FRK: variants seen among roughly 807,000 people sequenced by gnomAD.
FRK encodes the protein tyrosine-protein kinase FRK.
FRK carries 51 observed loss-of-function variants against 56.4 expected under a neutral mutation model. The observed-to-expected ratio is 0.90, with a 90% confidence interval of 0.72 to 1.14. The LOEUF is 1.14. Ranked by LOEUF, FRK falls within the 50% of genes most tolerant of loss-of-function variation. FRK has a pLI of 0.00. For missense variants in FRK, 570 were observed against 601.4 expected (o/e 0.95, Z 0.55); for synonymous variants, 245 against 217.9 (o/e 1.12, Z -1.10).
chr6:116,091,206 T>C, the FRK span, among the ~76,000 whole-genome samples: 3 of 152,178 alleles, frequency 2.0e-5, no homozygotes, highest in African/African-American at 7.2e-5. Context: ...AGCTAAAGGA[T>C]TGTAAATGCA....
intron 2 of FRK, among the ~76,000 whole-genome samples, chr6:115,975,844 T>C (rs1773971994): frequency 6.6e-6 from 1 of 152,170 alleles, no homozygotes; most frequent in African/African-American, 2.4e-5. Context: ...AACTGATGAA[T>C]CTAGCAGAAC....
In FRK at chr6:115,932,664, A is replaced by G. The variant is rs1771977058; in HGVS notation, c.*9750T>C. The G allele has an allele frequency of 6.6e-6, 1 of 152,212 alleles. No individual in the cohort carries two copies. Among genetic ancestry groups the G allele is most frequent in the Admixed American group, 6.5e-5 (1 of 15,288 alleles). The allele number at this position is 152,212 out of a possible 1,614,324, so 9.4% of individuals were successfully genotyped here. On this transcript the variant is annotated 3_prime_UTR_variant, in exon 8 of 8. Coordinates refer to ENST00000606080, the MANE Select transcript of FRK (RefSeq NM_002031.3). ...AGAAAGGCTATTTGGTTCAGAAATC[A>G]TATGCTCAACCAGACCATGAAAAAA...
chr6:116,059,496 T>C (rs909427869), intron 1 of FRK, among the ~76,000 whole-genome samples: 5 of 152,194 alleles, frequency 3.3e-5, no homozygotes, highest in African/African-American at 7.2e-5. Context: ...CCCATCAGAA[T>C]GAAAGGGATT....
intron 2 of FRK, among the ~76,000 whole-genome samples, chr6:115,993,836 G>A (rs550671519): frequency 6.6e-6 from 1 of 151,960 alleles, no homozygotes; most frequent in African/African-American, 2.4e-5. Flanking sequence ...TCTCAAGTAT[G>A]CTCTTTATAT....
chr6:116,056,473 C>CA (rs542660612), intron 1 of FRK, among the ~76,000 whole-genome samples: 1 of 151,974 alleles, frequency 6.6e-6, no homozygotes, highest in African/African-American at 2.4e-5. Flanking sequence ...CCTCCCTAAG[C>CA]AAAAAAACTT....
chr6:116,038,910 C>G, intron 1 of FRK: 1 of 612,866 alleles, frequency 1.6e-6, no homozygotes, highest in Non-Finnish European at 3.2e-6. Context: ...GACTTTGCCC[C>G]AGAAGCTAGA....
the FRK span, among the ~76,000 whole-genome samples, chr6:116,082,857 A>C: frequency 6.6e-6 from 1 of 152,276 alleles, no homozygotes; most frequent in Non-Finnish European, 1.5e-5. Context: ...CAAAGTATAG[A>C]TATATCTTTT....
At chr6:116,048,238 G>T (rs1231232039) in intron 1 of FRK, among the ~76,000 whole-genome samples, 1 of 152,142 alleles carries the variant, frequency 6.6e-6, no homozygotes, top group Non-Finnish European at 1.5e-5. Flanking sequence ...TTTTCACTGA[G>T]ATGTTCTACT....
intron 1 of FRK, among the ~76,000 whole-genome samples, chr6:116,034,266 C>T (rs989311449): frequency 5.3e-5 from 8 of 152,170 alleles, no homozygotes; most frequent in East Asian, 1.9e-4. Flanking sequence ...GCTCCCAACA[C>T]GGAGAATTGA....
At chr6:115,951,898 A>T (rs1772769052) in intron 5 of FRK, among the ~76,000 whole-genome samples, 1 of 152,180 alleles carries the variant, frequency 6.6e-6, no homozygotes, top group Non-Finnish European at 1.5e-5. Context: ...ATTTGCAGTA[A>T]GAAAATATTT....
intron 5 of FRK, among the ~76,000 whole-genome samples, chr6:115,946,908 T>G (rs553778668): frequency 1.3e-5 from 2 of 152,222 alleles, no homozygotes; most frequent in Non-Finnish European, 2.9e-5. Flanking sequence ...CTGGTGATTT[T>G]GGGGATAGGA....
rs1181540634 is a variant in FRK, at chr6:115,932,765, C to T, written c.*9649G>A. On this transcript the variant is annotated 3_prime_UTR_variant, in exon 8 of 8. Coordinates refer to ENST00000606080, the MANE Select transcript of FRK (RefSeq NM_002031.3). ...CTCTGCTTCCTTCAGGAAGCTCCAG[C>T]TGGGTAGTGGTATGGCATCCTTCCA... 6.6e-6 allele frequency: 1 copy of T among 152,188 alleles called. No individual in the cohort carries two copies. Among genetic ancestry groups the T allele is most frequent in the Non-Finnish European group, 1.5e-5 (1 of 68,042 alleles). The allele number at this position is 152,188 out of a possible 1,614,324, so 9.4% of individuals were successfully genotyped here. A position where few individuals can be genotyped will look rare whatever the true frequency, so the allele number is the denominator to read the frequency against.
At chr6:116,080,601 G>A in the FRK span, among the ~76,000 whole-genome samples, 1 of 152,164 alleles carries the variant, frequency 6.6e-6, no homozygotes, top group Non-Finnish European at 1.5e-5. Context: ...AATAATTGCA[G>A]TCTAGAAAAT....
the FRK span, among the ~76,000 whole-genome samples, chr6:116,098,238 A>G: frequency 6.6e-6 from 1 of 151,224 alleles, no homozygotes; most frequent in Non-Finnish European, 1.5e-5. Context: ...CAGCCCCTAC[A>G]ACAGCTAGGA....
At chr6:116,016,408 T>A (rs1400329169) in intron 1 of FRK, among the ~76,000 whole-genome samples, 2 of 152,358 alleles carry the variant, frequency 1.3e-5, no homozygotes, top group East Asian at 3.9e-4. Flanking sequence ...TATTAATGTA[T>A]CAAATTATCA....
chr6:116,017,098 T>C (rs1369628603), intron 1 of FRK, among the ~76,000 whole-genome samples: 1 of 152,118 alleles, frequency 6.6e-6, no homozygotes. Flanking sequence ...GTTGCACAAA[T>C]ACATTACAAG....
intron 1 of FRK, among the ~76,000 whole-genome samples, chr6:116,045,863 G>A (rs1467703547): frequency 2.6e-5 from 4 of 152,096 alleles, no homozygotes; most frequent in Non-Finnish European, 5.9e-5. Context: ...GCAACCTAGA[G>A]AATGGGAGAA....
chr6:115,967,898 T>G (rs1773650537), intron 3 of FRK, among the ~76,000 whole-genome samples, 179 bp from the exon 4 acceptor site: 1 of 152,194 alleles, frequency 6.6e-6, no homozygotes, highest in Admixed American at 6.5e-5. Context: ...ATTTGTTAAC[T>G]CTTCAAATTG....
intron 5 of FRK, among the ~76,000 whole-genome samples, chr6:115,950,090 C>T (rs866523044): frequency 6.6e-6 from 1 of 152,168 alleles, no homozygotes; most frequent in South Asian, 2.1e-4. Context: ...TAGAAGAAAA[C>T]CTAGGCAATA....
Sources: allele counts gnomAD v4.1 joint callset (sites outside exome capture counted in the v4.1 genomes callset), GRCh38; gene constraint gnomAD v4.1.1; transcripts MANE v1.5; gene names NCBI Gene and HGNC (gene_info 2026-07-23, HGNC 2026-07-21).